Variants in TECR observed in about 807,000 individuals in gnomAD.
TECR encodes trans-2,3-enoyl-CoA reductase.
In TECR, 19 loss-of-function variants were observed where a neutral mutation model predicts 50.6. The observed-to-expected ratio is 0.38, with a 90% CI of 0.26 to 0.55. TECR has a LOEUF of 0.55. Ranked by LOEUF, TECR falls within the 20% of genes least tolerant of loss-of-function variation. TECR has a pLI of 0.79. For synonymous variants in TECR, 168 were observed against 163.5 expected, an observed-to-expected ratio of 1.03 and a Z score of -0.21; for missense variants, 313 against 408.3, an observed-to-expected ratio of 0.77 and a Z score of 2.01.
rs747611967 is a variant in TECR at position 14,565,292 on chromosome 19, T to C, written c.753+2T>C. 1 of 1,612,586 alleles carries C rather than the reference T, an allele frequency of 6.2e-7. No individual in the cohort carries two copies. The highest frequency in any genetic ancestry group is 8.5e-7 in the Non-Finnish European group (1 of 1,179,878). On this transcript the variant is annotated splice_donor_variant, in intron 11 of 12. Coordinates refer to ENST00000215567, the MANE Select transcript of TECR (RefSeq NM_138501.6). LOFTEE classifies it high-confidence loss of function. ...TCCTGCCCCAACTACACCTACGAGG[T>C]GAGGGGCTGCCTTACCCCTCTCTGC...
intron 1 of TECR, among the ~76,000 whole-genome samples, chr19:14,545,465 T>TA (rs2073273409): frequency 6.6e-6 from 1 of 151,622 alleles, no homozygotes; most frequent in South Asian, 2.1e-4. Flanking sequence ...TATTATGTAA[T>TA]AGGTGCTTTG....
intron 1 of TECR, among the ~76,000 whole-genome samples, chr19:14,561,028 G>T (rs761621042): frequency 8.5e-5 from 13 of 152,144 alleles, no homozygotes; most frequent in African/African-American, 1.2e-4. Context: ...ACAAGGCAGG[G>T]CTGGTTACGG....
intron 1 of TECR, among the ~76,000 whole-genome samples, chr19:14,546,890 A>G (rs946985810): frequency 3.3e-5 from 5 of 152,176 alleles, no homozygotes; most frequent in Non-Finnish European, 5.9e-5. Flanking sequence ...GGGTTTCACT[A>G]TGTTGGCCAG....
At chr19:14,552,172 CTTTTTTT>C (rs536176918) in intron 1 of TECR, among the ~76,000 whole-genome samples, 6 of 133,484 alleles carry the variant, frequency 4.5e-5, no homozygotes, top group East Asian at 2.2e-4. Flanking sequence ...TTTCTTTTTT[CTTTTTTT>C]TTTTTTTTGA....
At chr19:14,551,926 CCTCTCTCTCTCCCTCCCTCCCT>C (rs2073526165) in intron 1 of TECR, among the ~76,000 whole-genome samples, 1 of 116,852 alleles carries the variant, frequency 8.6e-6, no homozygotes, top group Admixed American at 8.5e-5. Flanking sequence ...TCCCTCCCTC[CCTCTCTCTCTCCCTCCCTCCCT>C]CTCTCTCTCT....
Position 14,563,087 on chromosome 19 carries a change from C to A in TECR, c.67-119C>A. 2 of 1,200,022 alleles carry A rather than the reference C, an allele frequency of 1.7e-6. No individual in the cohort carries two copies. Among genetic ancestry groups the A allele is most frequent in the South Asian group, 1.3e-5 (1 of 76,868 alleles). The allele number at this position is 1,200,022 out of a possible 1,614,324, so 74.3% of individuals were successfully genotyped here. On this transcript the variant is annotated intron_variant, in intron 2 of 12. Transcript: ENST00000215567. The surrounding 1 kb of genome is among the most constrained non-coding windows in gnomAD (Gnocchi z 5.3). ...CTGCAGGCAGAGGCCTGGACCCCAG[C>A]CCTTCCCCCTTCCCATAGCTACAGC...
At chr19:14,548,204 C>T (rs529289062) in intron 1 of TECR, among the ~76,000 whole-genome samples, 6 of 151,834 alleles carry the variant, frequency 4.0e-5, no homozygotes, top group South Asian at 2.1e-4. Context: ...CTTCATGATC[C>T]GCCCCCTCGG....
chr19:14,556,506 C>G (rs900324962), intron 1 of TECR, among the ~76,000 whole-genome samples: 8 of 152,092 alleles, frequency 5.3e-5, no homozygotes, highest in African/African-American at 1.9e-4. Context: ...CTATGGCTAT[C>G]TGCCCCCACC....
chr19:14,553,346 C>T (rs2073605410), intron 1 of TECR, among the ~76,000 whole-genome samples: 1 of 152,142 alleles, frequency 6.6e-6, no homozygotes, highest in Non-Finnish European at 1.5e-5. Context: ...AGGTAGAAGA[C>T]AGGAGCAGAG....
Position 14,529,730 on chromosome 19 carries a change from G to A in TECR, c.15+19G>A, listed in dbSNP as rs2072543505. On this transcript the variant is annotated intron_variant, in intron 1 of 12. Transcript: ENST00000215567. ...TTACGAGGTAAGAAGCGAGAAACAG[G>A]GGCCGTGTGGCCACTGCTGACCCAT... The A allele has an allele frequency of 3.7e-6, 6 of 1,614,056 alleles. No homozygotes were observed. Among genetic ancestry groups the A allele is most frequent in the East Asian group, 2.2e-5 (1 of 44,880 alleles).
chr19:14,529,449 C>T, upstream of TECR: 2 of 635,048 alleles, frequency 3.1e-6, no homozygotes, highest in East Asian at 2.8e-5. Flanking sequence ...ATTGGTCTCG[C>T]AAGTTGATTG....
chr19:14,540,682 G>A (rs1249990576), intron 1 of TECR, among the ~76,000 whole-genome samples: 2 of 151,604 alleles, frequency 1.3e-5, no homozygotes, highest in African/African-American at 2.4e-5. Context: ...ATGAGCCACC[G>A]TGCCTGGCCA....
chr19:14,535,584 A>ATGTATATATATATATG (rs1555729581), intron 1 of TECR, among the ~76,000 whole-genome samples: 1 of 38,594 alleles, frequency 2.6e-5, no homozygotes, highest in African/African-American at 9.4e-5. Context: ...ATATATATAT[A>ATGTATATATATATATG]TATATGTATG....
chr19:14,535,035 T>A (rs2072812484), intron 1 of TECR, among the ~76,000 whole-genome samples: 1 of 152,022 alleles, frequency 6.6e-6, no homozygotes, highest in African/African-American at 2.4e-5. Context: ...TTCTCTGCCC[T>A]AAAATCGGAT....
Position 14,529,604 on chromosome 19 carries a change from T to G in TECR, c.-93T>G, listed in dbSNP as rs1568388196. The G allele has an allele frequency of 1.9e-6, 3 of 1,592,466 alleles. No individual in the cohort carries two copies. The highest frequency in any genetic ancestry group is 1.7e-6 in the Non-Finnish European group (2 of 1,161,318). ...CGGACGCAGAGCCGCGTTTAGTCTA[T>G]CGCTGCGGTTGCGAGCGCTGTAGGG... On this transcript the variant is annotated 5_prime_UTR_variant, in exon 1 of 13. Transcript: ENST00000215567.
chr19:14,538,153 TGA>T (rs1339581782), intron 1 of TECR, among the ~76,000 whole-genome samples: 1 of 152,186 alleles, frequency 6.6e-6, no homozygotes, highest in Non-Finnish European at 1.5e-5. Context: ...GCACAGAAAG[TGA>T]AGCGACTTGT....
chr19:14,546,482 G>A (rs866470879), intron 1 of TECR, among the ~76,000 whole-genome samples: 60 of 152,236 alleles, frequency 3.9e-4, no homozygotes, highest in African/African-American at 1.3e-3. Flanking sequence ...GGCTACTTGC[G>A]AGGCTGAGGC....
intron 1 of TECR, among the ~76,000 whole-genome samples, chr19:14,558,781 G>C (rs1299141741): frequency 6.6e-6 from 1 of 152,030 alleles, no homozygotes; most frequent in Non-Finnish European, 1.5e-5. Flanking sequence ...CCTCCGAGTG[G>C]CTCCGTGGGC....
At chr19:14,564,657 C>G (rs2074018331) in intron 7 of TECR, 129 bp from the exon 8 acceptor site, 4 of 1,011,206 alleles carry the variant, frequency 4.0e-6, no homozygotes, top group Non-Finnish European at 6.1e-6. Context: ...GCCTATCCTC[C>G]CCAGCCCCGC....
Sources: gnomAD v4.1 joint callset for allele counts (sites outside exome capture counted in the v4.1 genomes callset) on GRCh38, gnomAD v4.1.1 for gene constraint, Gnocchi (gnomAD v3.1) non-coding constraint, MANE v1.5 for transcripts, NCBI Gene and HGNC (gene_info 2026-07-23, HGNC 2026-07-21) for gene names.